SEMA3A: variants seen among roughly 807,000 people sequenced by gnomAD.
SEMA3A encodes semaphorin-3A.
A neutral mutation model predicts 97.9 loss-of-function variants in SEMA3A; 29 were observed. The ratio of observed to expected loss-of-function variants is 0.30; its 90% confidence interval spans 0.22 to 0.40. SEMA3A has a LOEUF of 0.40. SEMA3A is among the 10% of genes least tolerant of loss of function. The probability of loss-of-function intolerance (pLI) is 1.00; values close to 1 mark genes in which losing one functional copy is unlikely to be tolerated. For synonymous variants in SEMA3A, 321 were observed against 323.7 expected, an observed-to-expected ratio of 0.99 and a Z score of 0.09; for missense variants, 763 against 951.3, an observed-to-expected ratio of 0.80 and a Z score of 2.60.
intron 1 of SEMA3A, among the ~76,000 whole-genome samples, chr7:84,450,240 C>T (rs575885634): frequency 6.6e-6 from 1 of 152,148 alleles, no homozygotes; most frequent in Admixed American, 6.5e-5. Context: ...ACACTTCTCT[C>T]TTTCTCTCTC....
At chr7:83,975,564 TTCAG>T (rs1381457258) in intron 15 of SEMA3A, among the ~76,000 whole-genome samples, 7 of 152,150 alleles carry the variant, frequency 4.6e-5, no homozygotes, top group Admixed American at 2.6e-4. Context: ...TTTTAGATCA[TTCAG>T]TCATTCAACA....
rs187244954 is a variant in SEMA3A, at chr7:84,367,263, T to G, written c.-169+4561A>C. On this transcript the variant is annotated intron_variant, in intron 2 of 3. Coordinates refer to the SEMA3A transcript ENST00000424555. The stretch of plus-strand genomic sequence containing the variant: ...ACAATGTAGTTTAATTACTTAATTT[T>G]TCATCTTAAAGAAAGAGGCAAACAA... Among the ~76,000 whole-genome samples, 346 of 151,516 alleles carry G rather than the reference T, an allele frequency of 2.3e-3. 1 individual carries two copies. The highest frequency in any genetic ancestry group is 3.7e-3 in the Non-Finnish European group (249 of 67,522).
intron 3 of SEMA3A, among the ~76,000 whole-genome samples, chr7:84,274,003 T>G (rs977760309): frequency 2.0e-5 from 3 of 152,150 alleles, no homozygotes; most frequent in East Asian, 1.9e-4. Context: ...TTATATGGAA[T>G]GGAAAAGTAC....
At chr7:84,082,226 A>T (rs1562766646) in intron 4 of SEMA3A, among the ~76,000 whole-genome samples, 1 of 152,186 alleles carries the variant, frequency 6.6e-6, no homozygotes, top group Non-Finnish European at 1.5e-5. Flanking sequence ...CAGAAGCAAG[A>T]GGTATATGAT....
At chr7:83,978,258 C>A (rs531880718) in intron 14 of SEMA3A, among the ~76,000 whole-genome samples, 18 of 152,246 alleles carry the variant, frequency 1.2e-4, no homozygotes, top group Non-Finnish European at 2.2e-4. Flanking sequence ...AATAAATGAA[C>A]TTACATTTAA....
intron 2 of SEMA3A, among the ~76,000 whole-genome samples, chr7:84,347,863 G>C (rs1041407466): frequency 6.6e-6 from 1 of 152,148 alleles, no homozygotes; most frequent in African/African-American, 2.4e-5. Context: ...GAAAGCGACT[G>C]CAAAAGGTAT....
At position 84,318,997 on chromosome 7, in the gene SEMA3A, G is replaced by C. The variant is rs374958423; in HGVS notation, c.-168-11705C>G. ...ATCAGGCACCAAGGCGCAGAGGTAAGAATAACAGCAGCTACTATTACTGGA... is the reference window on the plus strand; with the variant it reads ...ATCAGGCACCAAGGCGCAGAGGTAACAATAACAGCAGCTACTATTACTGGA... On this transcript the variant is annotated intron_variant, in intron 2 of 3. Transcript: ENST00000424555. 1.7e-4 allele frequency among the ~76,000 whole-genome samples: 26 copies of C among 152,292 alleles called. No homozygotes were observed. In the South Asian group the frequency reaches 5.0e-3, roughly 29 times the overall value.
intron 3 of SEMA3A, among the ~76,000 whole-genome samples, chr7:84,224,044 T>A (rs915332732): frequency 3.9e-5 from 6 of 151,986 alleles, no homozygotes; most frequent in Admixed American, 2.6e-4. Flanking sequence ...GATAATTTAT[T>A]GAAATTGTAC....
intron 1 of SEMA3A, among the ~76,000 whole-genome samples, chr7:84,404,920 G>T (rs369470528): frequency 1.1e-3 from 167 of 152,236 alleles, no homozygotes; most frequent in Middle Eastern, 3.4e-3. Flanking sequence ...GGAACAACTG[G>T]TACCAGCCAC....
chr7:84,483,536 C>A (rs930225433), intron 1 of SEMA3A, among the ~76,000 whole-genome samples: 1 of 152,146 alleles, frequency 6.6e-6, no homozygotes, highest in Non-Finnish European at 1.5e-5. Context: ...CACATTTTGA[C>A]CTTGCCTGCT....
chr7:84,424,580 ATATTATATATAATATATAAATAT>A (rs1562942638), intron 1 of SEMA3A, among the ~76,000 whole-genome samples: 1,059 of 74,294 alleles, frequency 0.014, 33 homozygotes, highest in African/African-American at 0.086. Flanking sequence ...ATATTAATAT[ATATTATATATAATATATAAATAT>A]TAATATATAA....
intron 3 of SEMA3A, among the ~76,000 whole-genome samples, chr7:84,117,470 T>C (rs1338714183): frequency 6.6e-6 from 1 of 152,110 alleles, no homozygotes; most frequent in Non-Finnish European, 1.5e-5. Context: ...CCAGTCAGGG[T>C]CCTGTTAAGA....
intron 2 of SEMA3A, among the ~76,000 whole-genome samples, chr7:84,351,795 G>A (rs1256899511): frequency 4.6e-5 from 7 of 151,946 alleles, no homozygotes; most frequent in South Asian, 4.1e-4. Context: ...CAGCCACTAC[G>A]GAGTATAACA....
chr7:84,131,167 A>G (rs1795951153), intron 2 of SEMA3A, among the ~76,000 whole-genome samples: 1 of 152,100 alleles, frequency 6.6e-6, no homozygotes, highest in Non-Finnish European at 1.5e-5. Context: ...ATTTTGATGT[A>G]GAAATGTTCT....
chr7:84,134,983 T>G (rs1796079011), intron 1 of SEMA3A, 32 bp from the exon 2 acceptor site: 9 of 1,592,826 alleles, frequency 5.7e-6, no homozygotes, highest in Non-Finnish European at 7.7e-6. Context: ...CATTGGGTAT[T>G]AATGTGAAGC....
At chr7:84,376,598 C>T (rs111833250) in intron 1 of SEMA3A, among the ~76,000 whole-genome samples, 44 of 71,440 alleles carry the variant, frequency 6.2e-4, no homozygotes, top group Non-Finnish European at 3.1e-4. Flanking sequence ...AGCGAGACTC[C>T]GTCTCAAAAA....
chr7:84,458,481 T>C (rs549728225), intron 1 of SEMA3A, among the ~76,000 whole-genome samples: 27 of 152,104 alleles, frequency 1.8e-4, no homozygotes, highest in Non-Finnish European at 3.7e-4. Context: ...TTATATTTTA[T>C]TTTTGAATTT....
Position 84,034,052 on chromosome 7 carries a change from C to T in SEMA3A, c.667+12272G>A, listed in dbSNP as rs114352486. Among the ~76,000 whole-genome samples the T allele has an allele frequency of 3.1e-3, 465 of 151,786 alleles. 2 individuals are homozygous for T. The highest frequency in any genetic ancestry group is 0.01 in the African/African-American group (433 of 41,392). On this transcript the variant is annotated intron_variant, in intron 6 of 16. Transcript: ENST00000265362. ...AGGCTGGAGTTCCCTGGTGTGATCT[C>T]AGCTCACTGTCACTTTCGCTTCCCA...
chr7:84,267,023 T>C (rs1325537407), intron 3 of SEMA3A, among the ~76,000 whole-genome samples: 1 of 152,166 alleles, frequency 6.6e-6, no homozygotes, highest in Non-Finnish European at 1.5e-5. Flanking sequence ...ACATATATGA[T>C]ACCATCCTTT....
Sources: gnomAD v4.1 joint callset for allele counts (sites outside exome capture counted in the v4.1 genomes callset) on GRCh38, gnomAD v4.1.1 for gene constraint, MANE v1.5 for transcripts, NCBI Gene and HGNC (gene_info 2026-07-23, HGNC 2026-07-21) for gene names.